Variants in ZNF606 observed in about 807,000 individuals in gnomAD.
ZNF606 encodes zinc finger protein 606, also known as zinc finger protein 328.
In ZNF606, 37 loss-of-function variants were observed where a neutral mutation model predicts 74.9. That is an observed-to-expected ratio of 0.49 (90% CI 0.38 to 0.65). The LOEUF (loss-of-function observed/expected upper bound fraction) is 0.65. ZNF606 is among the 30% of genes least tolerant of loss of function. ZNF606 has a pLI of 0.00. For missense variants in ZNF606, 852 were observed against 952.9 expected, an observed-to-expected ratio of 0.89 and a Z score of 1.39; for synonymous variants, 328 against 312.4, an observed-to-expected ratio of 1.05 and a Z score of -0.53.
intron 1 of ZNF606, 42 bp downstream of exon 1, chr19:58,002,354 C>T: frequency 2.2e-6 from 1 of 456,764 alleles, no homozygotes; most frequent in Non-Finnish European, 4.4e-6. Flanking sequence ...CTCCTCAAGA[C>T]CGACGCGGCC....
intron 1 of ZNF606, 95 bp from the exon 2 acceptor site, chr19:58,001,465 A>T (rs1365819588): frequency 1.5e-5 from 14 of 945,942 alleles, no homozygotes; most frequent in Non-Finnish European, 2.3e-5. Flanking sequence ...AGCAACAAAA[A>T]AACTTGTAAG....
intron 6 of ZNF606, among the ~76,000 whole-genome samples, chr19:57,987,742 C>A (rs896497141): frequency 6.6e-6 from 1 of 152,010 alleles, no homozygotes; most frequent in Admixed American, 6.6e-5. Context: ...GTGGGAGAAT[C>A]GCTTGAACCC....
chr19:57,980,477 G>T (rs977297522), intron 6 of ZNF606, among the ~76,000 whole-genome samples, 198 bp from the exon 7 acceptor site: 2 of 152,216 alleles, frequency 1.3e-5, no homozygotes, highest in Non-Finnish European at 2.9e-5. Flanking sequence ...AATACAAAGT[G>T]TGTACTGAAA....
intron 6 of ZNF606, among the ~76,000 whole-genome samples, chr19:57,981,281 T>C (rs1368284042): frequency 1.3e-5 from 2 of 152,210 alleles, no homozygotes; most frequent in Non-Finnish European, 2.9e-5. Flanking sequence ...TCTAACCTCA[T>C]GCACCTTTTT....
chr19:58,000,227 T>C, intron 3 of ZNF606: 1 of 384,130 alleles, frequency 2.6e-6, no homozygotes, highest in East Asian at 4.0e-5. Context: ...TCACTGGTTT[T>C]CTTTTTTTTT....
rs578218695 is a variant in ZNF606, at chr19:58,002,789, G to C, written c.-445C>G. The C allele has an allele frequency of 6.6e-6, 3 of 452,280 alleles. No homozygotes were observed. Among genetic ancestry groups the C allele is most frequent in the Non-Finnish European group, 1.3e-5 (3 of 225,236 alleles). The allele number at this position is 452,280 out of a possible 1,614,324, so 28.0% of individuals were successfully genotyped here. On this transcript the variant is annotated 5_prime_UTR_variant, in exon 1 of 7. Transcript: ENST00000551380. ...TGAGCAAAGGCCTCACCTCAGCCGC[G>C]GACAATGGCGGCTGCTTCCCCGGCG...
At chr19:58,001,253 T>C (rs754841711) in intron 2 of ZNF606, 36 bp downstream of exon 2, 2 of 1,613,496 alleles carry the variant, frequency 1.2e-6, no homozygotes, top group South Asian at 2.2e-5. Flanking sequence ...CAGCTAATGA[T>C]AGGGGAGGCC....
chr19:58,002,363 C>T (rs762746631), intron 1 of ZNF606, 33 bp downstream of exon 1: 9 of 456,638 alleles, frequency 2.0e-5, no homozygotes, highest in Non-Finnish European at 8.8e-6. Flanking sequence ...ACCGACGCGG[C>T]CGCGACGCTG....
At chr19:58,001,424 G>A in intron 1 of ZNF606, 54 bp from the exon 2 acceptor site, 1 of 1,424,868 alleles carries the variant, frequency 7.0e-7, no homozygotes, top group South Asian at 1.2e-5. Flanking sequence ...AGAAGACCAA[G>A]TGGGAACAAA....
chr19:57,987,636 C>A (rs10413712), intron 6 of ZNF606, among the ~76,000 whole-genome samples: 23,647 of 151,836 alleles, frequency 0.16, 1,897 homozygotes, highest in African/African-American at 0.19. Context: ...GAGACCAGCC[C>A]AGCCAACATG....
In ZNF606 at chr19:58,000,684, C is replaced by T; in HGVS notation, c.87G>A (p.Trp29Ter). 1 of 1,613,736 alleles carries T rather than the reference C, an allele frequency of 6.2e-7. No individual in the cohort carries two copies. Among genetic ancestry groups the T allele is most frequent in the Non-Finnish European group, 8.5e-7 (1 of 1,179,846 alleles). ...GMTAVDPWASWALCPQYPAWH... is the reference protein window; with the variant it reads ...GMTAVDPWAS ...CAGCTGACCAGGCTCTTGACTCACC[C>T]CAGGAGGCCCATGGGTCAACAGCTG... The change falls in exon 3 of 7, where the codon TGG becomes TGA. Residue 29 changes from tryptophan to a stop codon, truncating the protein, a stop_gained and splice_region_variant. Transcript: ENST00000551380. LOFTEE classifies it high-confidence loss of function.
chr19:57,983,718 C>T (rs1161052460), intron 6 of ZNF606, among the ~76,000 whole-genome samples: 2 of 152,164 alleles, frequency 1.3e-5, no homozygotes, highest in Non-Finnish European at 2.9e-5. Context: ...AGAGAAACAA[C>T]ATGAGCTCAG....
At chr19:57,987,048 C>T (rs2073173869) in intron 6 of ZNF606, among the ~76,000 whole-genome samples, 1 of 152,126 alleles carries the variant, frequency 6.6e-6, no homozygotes, top group South Asian at 2.1e-4. Context: ...CAAGATTGTA[C>T]TACTGCACTC....
chr19:57,989,539 C>T (rs1333936230), intron 4 of ZNF606, among the ~76,000 whole-genome samples: 1 of 151,970 alleles, frequency 6.6e-6, no homozygotes, highest in African/African-American at 2.4e-5. Context: ...CTCTGCCTCC[C>T]AGGTTCAAGT....
intron 6 of ZNF606, 70 bp from the exon 7 acceptor site, chr19:57,980,349 T>A: frequency 6.8e-7 from 1 of 1,460,288 alleles, no homozygotes; most frequent in South Asian, 1.4e-5. Flanking sequence ...AATGGTGAGA[T>A]TTACTGTCCA....
In ZNF606 at chr19:57,989,667, G is replaced by A. The variant is rs535660691; in HGVS notation, c.178-946C>T. ...TTGCCATGTTGGCCAGGCTGGTCTCGAACTCCTGATCTCAAGTGATCCGCC... is the reference window on the plus strand; with the variant it reads ...TTGCCATGTTGGCCAGGCTGGTCTCAAACTCCTGATCTCAAGTGATCCGCC... On this transcript the variant is annotated intron_variant, in intron 4 of 6. Transcript: ENST00000551380. 9.0e-4 allele frequency among the ~76,000 whole-genome samples: 136 copies of A among 151,712 alleles called. 2 individuals carry two copies. The highest frequency in any genetic ancestry group is 8.7e-3 in the Admixed American group (133 of 15,262).
chr19:57,988,154 A>C (rs2073193120), intron 6 of ZNF606, 53 bp downstream of exon 6: 2 of 1,498,352 alleles, frequency 1.3e-6, no homozygotes, highest in East Asian at 2.3e-5. Flanking sequence ...CCCATTTCTC[A>C]ACAAAGAGGG....
At chr19:58,001,231 C>T in intron 2 of ZNF606, 58 bp downstream of exon 2, 2 of 1,602,044 alleles carry the variant, frequency 1.2e-6, no homozygotes, top group Non-Finnish European at 8.5e-7. Flanking sequence ...CAGCTCTGAC[C>T]CATGACTGCA....
chr19:57,987,800 C>G lies in ZNF606; in HGVS notation c.400+407G>C, dbSNP rs187150805. ...CCGAGATCGCACCACTGCACTCCAG[C>G]CTGGGCGACAGAGCGAGACTTTATT... On this transcript the variant is annotated intron_variant, in intron 6 of 6. Transcript: ENST00000551380. Among the ~76,000 whole-genome samples the G allele has an allele frequency of 5.4e-4, 82 of 152,304 alleles. 1 individual carries two copies. The East Asian group carries it at 0.013, about 23-fold the overall frequency.
Sources: gnomAD v4.1 joint callset for allele counts (sites outside exome capture counted in the v4.1 genomes callset) on GRCh38, gnomAD v4.1.1 for gene constraint, MANE v1.5 for transcripts, NCBI Gene and HGNC (gene_info 2026-07-23, HGNC 2026-07-21) for gene names.